RUVBL1: variants seen among roughly 807,000 people sequenced by gnomAD.
RUVBL1 encodes RuvB like AAA ATPase 1, also known as ruvB-like 1.
Under a neutral mutation model 52.4 loss-of-function variants are expected in RUVBL1, and 4 were observed. The observed-to-expected ratio is 0.08, with a 90% confidence interval of 0.04 to 0.17. The LOEUF (loss-of-function observed/expected upper bound fraction) is 0.17, where lower values mean the gene tolerates loss of function less well. RUVBL1 is among the 10% of genes least tolerant of loss of function. The probability of loss-of-function intolerance (pLI) is 1.00; values close to 1 mark genes in which losing one functional copy is unlikely to be tolerated. For missense variants in RUVBL1, 298 were observed against 572.8 expected, an observed-to-expected ratio of 0.52 and a Z score of 4.90; for synonymous variants, 217 against 214.4, an observed-to-expected ratio of 1.01 and a Z score of -0.10.
rs1049622401 is a variant in RUVBL1 at position 128,067,850 on chromosome 3, G to A, written c.940-2630C>T. 45 of 774,546 alleles carry A rather than the reference G, an allele frequency of 5.8e-5. No individual in the cohort carries two copies. The Middle Eastern group carries it at 9.5e-4, about 16-fold the overall frequency. The allele number at this position is 774,546 out of a possible 1,614,324, so 48.0% of individuals were successfully genotyped here. A position where few individuals can be genotyped will look rare whatever the true frequency, so the allele number is the denominator to read the frequency against. ...AGACTTTTTCATATGACTTCCTTGCGGCAGTTTTAAAGTTCTCTGTATGAA... is the reference window on the plus strand; with the variant it reads ...AGACTTTTTCATATGACTTCCTTGCAGCAGTTTTAAAGTTCTCTGTATGAA... On this transcript the variant is annotated intron_variant, in intron 9 of 9. Transcript: ENST00000464873. The surrounding 1 kb of genome is among the most constrained non-coding windows in gnomAD (Gnocchi z 4.1).
intron 1 of RUVBL1, among the ~76,000 whole-genome samples, chr3:128,148,476 CT>C (rs1378141341): frequency 1.3e-5 from 2 of 152,058 alleles, no homozygotes; most frequent in Non-Finnish European, 1.5e-5. Flanking sequence ...AAATTCTGAC[CT>C]TGACATGTAA....
chr3:128,114,093 G>A (rs900192649), intron 2 of RUVBL1, among the ~76,000 whole-genome samples: 10 of 152,310 alleles, frequency 6.6e-5, no homozygotes, highest in African/African-American at 1.7e-4. Flanking sequence ...ACAGGTGTAC[G>A]GTCAAATGTC....
In RUVBL1 at chr3:128,081,212, A is replaced by C; in HGVS notation, c.*38T>G. The C allele has an allele frequency of 6.3e-7, 1 of 1,596,408 alleles. No homozygotes were observed. Among genetic ancestry groups the C allele is most frequent in the East Asian group, 2.2e-5 (1 of 44,652 alleles). On this transcript the variant is annotated 3_prime_UTR_variant, in exon 11 of 11. Transcript: ENST00000322623. This position sits in a 1 kb window ranked among gnomAD's most constrained non-coding sequence, Gnocchi z 4.8. ...CACAGGCTGGACCCAGGCCAGGCAC[A>C]CCTGGGGAGTCTCTTACTGCTGAAA...
At chr3:128,087,880 C>A in intron 8 of RUVBL1, 72 bp from the exon 9 acceptor site, 1 of 1,061,072 alleles carries the variant, frequency 9.4e-7, no homozygotes, top group Non-Finnish European at 1.5e-6. Flanking sequence ...AATACAGATC[C>A]AACACTCACA....
At chr3:128,121,046 G>C (rs1559828491) in intron 1 of RUVBL1, among the ~76,000 whole-genome samples, 1 of 151,830 alleles carries the variant, frequency 6.6e-6, no homozygotes, top group Non-Finnish European at 1.5e-5. Context: ...TTCCACTTCA[G>C]TTACCAAAGC....
chr3:128,086,249 A>G (rs1559808089), intron 9 of RUVBL1, among the ~76,000 whole-genome samples: 1 of 152,200 alleles, frequency 6.6e-6, no homozygotes, highest in Non-Finnish European at 1.5e-5. Context: ...CTCCAGCCTC[A>G]GCCTCCCAAA....
intron 3 of RUVBL1, among the ~76,000 whole-genome samples, chr3:128,106,015 G>A (rs988046261): frequency 5.9e-5 from 9 of 151,992 alleles, no homozygotes; most frequent in East Asian, 5.8e-4. Flanking sequence ...GATTACAGGC[G>A]TGCACCACCA....
chr3:128,090,461 G>A (rs1469835751), intron 8 of RUVBL1, among the ~76,000 whole-genome samples: 1 of 152,214 alleles, frequency 6.6e-6, no homozygotes, highest in Middle Eastern at 3.2e-3. Flanking sequence ...GGAGCTTGCA[G>A]TGTACCGAGA....
intron 1 of RUVBL1, among the ~76,000 whole-genome samples, chr3:128,150,851 T>TA (rs1944184825): frequency 1.3e-5 from 1 of 78,952 alleles, no homozygotes; most frequent in African/African-American, 5.6e-5. Flanking sequence ...ATATATATTC[T>TA]ATATATTATA....
chr3:128,111,217 CTCAA>C (rs1943385788), intron 3 of RUVBL1, among the ~76,000 whole-genome samples: 1 of 50,262 alleles, frequency 2.0e-5, no homozygotes, highest in Non-Finnish European at 3.9e-5. Context: ...GAGACTCTCT[CTCAA>C]AAAAAAAAAA....
At chr3:128,076,706 TAC>T (rs1942336515), downstream of RUVBL1, among the ~76,000 whole-genome samples, 1 of 151,656 alleles carries the variant, frequency 6.6e-6, no homozygotes, top group African/African-American at 2.4e-5. This position sits in a 1 kb window ranked among gnomAD's most constrained non-coding sequence, Gnocchi z 6.8. Flanking sequence ...ACCCACTACA[TAC>T]ACACGCGCGC....
At chr3:128,097,595 G>A in intron 7 of RUVBL1, 97 bp from the exon 8 acceptor site, 3 of 1,088,726 alleles carry the variant, frequency 2.8e-6, no homozygotes, top group South Asian at 1.4e-5. Context: ...ACCCATGCTA[G>A]GAGCCTAGTT....
upstream of RUVBL1, chr3:128,123,931 C>G (rs1268251378): frequency 8.1e-7 from 1 of 1,241,216 alleles, no homozygotes; most frequent in East Asian, 3.3e-5. Flanking sequence ...TCCGGTCACC[C>G]ACTTCCGTCT....
rs147904829 is a variant in RUVBL1, at chr3:128,122,141, G to A, written c.141+1443C>T. Among the ~76,000 whole-genome samples, 326 of 152,240 alleles carry A rather than the reference G, an allele frequency of 2.1e-3. 2 individuals are homozygous for A. Among genetic ancestry groups the A allele is most frequent in the Non-Finnish European group, 3.5e-3 (237 of 68,018 alleles). The stretch of plus-strand genomic sequence containing the variant: ...GACTTGAGTTAAAATACTGGCTCTC[G>A]CACTTACCAGATGAGTAACCTTGGA... On this transcript the variant is annotated intron_variant, in intron 1 of 10. Transcript: ENST00000322623.
chr3:128,100,551 C>A, intron 6 of RUVBL1, 44 bp downstream of exon 6: 1 of 1,550,058 alleles, frequency 6.5e-7, no homozygotes. Context: ...CACACACATA[C>A]AAAAGGGCTA....
downstream of RUVBL1, among the ~76,000 whole-genome samples, chr3:128,080,423 G>A (rs144000871): frequency 1.4e-4 from 22 of 152,340 alleles, 1 homozygote; most frequent in East Asian, 3.3e-3. Flanking sequence ...AAAGGCAGCA[G>A]AGAGTAACTT....
At chr3:128,143,127 C>T (rs1944053659) in intron 1 of RUVBL1, among the ~76,000 whole-genome samples, 1 of 151,546 alleles carries the variant, frequency 6.6e-6, no homozygotes, top group Admixed American at 6.6e-5. Flanking sequence ...ACACCAGGCC[C>T]ACCCTGATAC....
At chr3:128,103,377 G>C (rs532235608) in intron 4 of RUVBL1, among the ~76,000 whole-genome samples, 2 of 152,302 alleles carry the variant, frequency 1.3e-5, no homozygotes, top group African/African-American at 4.8e-5. Flanking sequence ...TGGAAGTGAC[G>C]AGGGGTAGGT....
intron 4 of RUVBL1, among the ~76,000 whole-genome samples, chr3:128,101,962 G>A (rs1943117484): frequency 6.6e-6 from 1 of 152,344 alleles, no homozygotes; most frequent in African/African-American, 2.4e-5. Context: ...CTGTAAACTG[G>A]CAGCAGCGCT....
Sources: allele counts gnomAD v4.1 joint callset (sites outside exome capture counted in the v4.1 genomes callset), GRCh38; gene constraint gnomAD v4.1.1; non-coding constraint Gnocchi (gnomAD v3.1); transcripts MANE v1.5; gene names NCBI Gene and HGNC (gene_info 2026-07-23, HGNC 2026-07-21).